Variants in PATJ observed in about 807,000 individuals in gnomAD.
PATJ encodes the protein PATJ crumbs cell polarity complex component, also known as inaD-like protein.
PATJ carries 190 observed loss-of-function variants against 224.9 expected under a neutral mutation model. The observed-to-expected ratio is 0.84, with a 90% CI of 0.75 to 0.95. PATJ has a LOEUF of 0.95. Ranked by LOEUF, PATJ falls within the 40% of genes least tolerant of loss-of-function variation. PATJ has a pLI of 0.00. For missense variants in PATJ, 2,121 were observed against 2,270.3 expected, an observed-to-expected ratio of 0.93 and a Z score of 1.34; for synonymous variants, 769 against 820.3, an observed-to-expected ratio of 0.94 and a Z score of 1.07.
chr1:62,163,052 C>T lies in PATJ; in HGVS notation c.*1998C>T, dbSNP rs1304890182. 9.6e-6 allele frequency: 2 copies of T among 209,210 alleles called. No individual in the cohort carries two copies. Among genetic ancestry groups the T allele is most frequent in the African/African-American group, 2.8e-5 (1 of 35,882 alleles). The allele number at this position is 209,210 out of a possible 1,614,324, so 13.0% of individuals were successfully genotyped here. ...GCTGCAAATATTTCACAGTAATTAT[C>T]AAAATTTAATGGGCTCTAATTTAAA... On this transcript the variant is annotated 3_prime_UTR_variant, in exon 44 of 44. Coordinates refer to ENST00000642238, the MANE Select transcript of PATJ (RefSeq NM_001350145.3).
At chr1:62,091,229 A>C (rs1195808802) in intron 33 of PATJ, among the ~76,000 whole-genome samples, 1 of 152,160 alleles carries the variant, frequency 6.6e-6, no homozygotes, top group Non-Finnish European at 1.5e-5. Flanking sequence ...ATTGCCAGAG[A>C]TCCCAGGCTA....
chr1:62,067,418 C>T (rs78863168), intron 31 of PATJ, among the ~76,000 whole-genome samples: 5,990 of 152,150 alleles, frequency 0.039, 241 homozygotes, highest in East Asian at 0.15. Flanking sequence ...TGAGCCACCA[C>T]GCCCAGCCCC....
chr1:61,786,878 C>G (rs1648662779), intron 7 of PATJ, among the ~76,000 whole-genome samples: 1 of 151,752 alleles, frequency 6.6e-6, no homozygotes, highest in Non-Finnish European at 1.5e-5. Flanking sequence ...CCCAGCTGCT[C>G]AGGAGGCTGA....
At chr1:61,781,574 C>T (rs1363571265) in intron 7 of PATJ, among the ~76,000 whole-genome samples, 1 of 152,226 alleles carries the variant, frequency 6.6e-6, no homozygotes, top group African/African-American at 2.4e-5. Flanking sequence ...AGCACACCTA[C>T]ATCCAAATTA....
intron 22 of PATJ, among the ~76,000 whole-genome samples, chr1:61,889,977 C>T (rs1042054155): frequency 6.6e-6 from 1 of 152,130 alleles, no homozygotes; most frequent in East Asian, 1.9e-4. Context: ...TCTTCCTCAT[C>T]TCGGTTATTT....
In PATJ at chr1:62,114,262, G is replaced by A. The variant is rs755658115; in HGVS notation, c.4655+16G>A. On this transcript the variant is annotated intron_variant, in intron 35 of 43. Transcript: ENST00000642238. ...TTGGGAAACGGTAAAGACGTGCTGT[G>A]GGAGTTGGGATCTGCCTTTTTCATC... 2 of 1,611,152 alleles carry A rather than the reference G, an allele frequency of 1.2e-6. No individual in the cohort carries two copies. The highest frequency in any genetic ancestry group is 1.3e-5 in the African/African-American group (1 of 74,832).
At chr1:62,054,292 G>A (rs1654168329) in intron 31 of PATJ, 1 of 415,150 alleles carries the variant, frequency 2.4e-6, no homozygotes, top group Non-Finnish European at 4.8e-6. Context: ...GGACCTGGGA[G>A]GTTGAGGTGG....
chr1:61,767,962 C>G, intron 4 of PATJ, among the ~76,000 whole-genome samples: 1 of 151,916 alleles, frequency 6.6e-6, no homozygotes, highest in East Asian at 1.9e-4. Context: ...TGAGCCATTG[C>G]GCCGGGCCAG....
At chr1:61,909,618 G>A (rs1337160059) in intron 25 of PATJ, among the ~76,000 whole-genome samples, 3 of 152,036 alleles carry the variant, frequency 2.0e-5, no homozygotes, top group East Asian at 3.9e-4. Context: ...GATTACAGGT[G>A]CATGCCACTA....
intron 28 of PATJ, among the ~76,000 whole-genome samples, chr1:61,998,166 A>C (rs903106158): frequency 1.3e-5 from 2 of 149,168 alleles, no homozygotes; most frequent in African/African-American, 5.0e-5. Flanking sequence ...TGCAACCTCC[A>C]CCTCCTAAAT....
At chr1:61,939,644 G>A (rs527445172) in intron 27 of PATJ, among the ~76,000 whole-genome samples, 4 of 123,160 alleles carry the variant, frequency 3.2e-5, no homozygotes, top group African/African-American at 6.2e-5. Flanking sequence ...TTGAGCACCC[G>A]TTTGGCAGCA....
intron 29 of PATJ, among the ~76,000 whole-genome samples, chr1:62,033,454 T>G (rs780045704): frequency 6.6e-6 from 1 of 152,192 alleles, no homozygotes; most frequent in Non-Finnish European, 1.5e-5. Flanking sequence ...CCCCTGTTTA[T>G]CCTTGAGCAT....
chr1:61,908,476 T>G lies in PATJ; in HGVS notation c.3486T>G (p.Thr1162=), dbSNP rs1443116446. ...TCATTGTTCAGAGTTTGTCATCCAC[T>G]CCACGAGTAAGTTTTAGTTCATATT... is the stretch of plus-strand genomic sequence containing the variant. ...VVFIVQSLSS[T]PRVIPNVHNK... Residue 1162 remains threonine, a synonymous_variant, in exon 25 of 44, where the codon ACT becomes ACG. Coordinates refer to ENST00000642238, the MANE Select transcript of PATJ (RefSeq NM_001350145.3). The G allele has an allele frequency of 6.2e-7, 1 of 1,606,190 alleles. No homozygotes were observed. Among genetic ancestry groups the G allele is most frequent in the South Asian group, 1.1e-5 (1 of 90,866 alleles).
chr1:62,126,096 G>A (rs1265704674), intron 39 of PATJ, among the ~76,000 whole-genome samples: 1 of 152,146 alleles, frequency 6.6e-6, no homozygotes, highest in Non-Finnish European at 1.5e-5. Context: ...TGCTGGTTTG[G>A]GTCTGTCTCA....
At chr1:62,080,055 A>C (rs1033270864) in intron 32 of PATJ, among the ~76,000 whole-genome samples, 23 of 151,086 alleles carry the variant, frequency 1.5e-4, no homozygotes, top group African/African-American at 5.4e-4. Context: ...AAAGAAAAGG[A>C]CCTCAGTAAA....
intron 22 of PATJ, among the ~76,000 whole-genome samples, chr1:61,888,056 A>AG (rs1669124349): frequency 6.6e-6 from 1 of 152,136 alleles, no homozygotes; most frequent in Non-Finnish European, 1.5e-5. Flanking sequence ...AGTGGAAGGA[A>AG]GAGATACAGA....
intron 30 of PATJ, among the ~76,000 whole-genome samples, chr1:62,041,510 G>A (rs985287875): frequency 6.6e-6 from 1 of 152,140 alleles, no homozygotes; most frequent in African/African-American, 2.4e-5. Context: ...GCAGATCCTT[G>A]ATGTTTTGGA....
chr1:61,768,709 G>A (rs1338106000), intron 4 of PATJ, among the ~76,000 whole-genome samples: 1 of 151,688 alleles, frequency 6.6e-6, no homozygotes, highest in Non-Finnish European at 1.5e-5. Flanking sequence ...AGACCAGCCT[G>A]GGCAACATGG....
chr1:62,128,703 A>G (rs1665970629), intron 40 of PATJ, 138 bp from the exon 41 acceptor site: 2 of 596,314 alleles, frequency 3.4e-6, no homozygotes, highest in African/African-American at 3.6e-5. Context: ...TGCTTCTTGA[A>G]CATGCATGCA....
Sources: allele counts gnomAD v4.1 joint callset (sites outside exome capture counted in the v4.1 genomes callset), GRCh38; gene constraint gnomAD v4.1.1; transcripts MANE v1.5; gene names NCBI Gene and HGNC (gene_info 2026-07-23, HGNC 2026-07-21).